Variants in TMEM116 observed in about 807,000 individuals in gnomAD.
The protein encoded by TMEM116 is transmembrane protein 116.
Under a neutral mutation model 44.3 loss-of-function variants are expected in TMEM116, and 38 were observed. The ratio of observed to expected loss-of-function variants is 0.86; its 90% CI spans 0.66 to 1.12. The LOEUF (loss-of-function observed/expected upper bound fraction) is 1.12, where lower values mean the gene tolerates loss of function less well. TMEM116 is among the 50% of genes most tolerant of loss of function. The pLI is 0.00. For synonymous variants in TMEM116, 132 were observed against 144.8 expected (o/e 0.91, Z 0.64); for missense variants, 354 against 401.7 (o/e 0.88, Z 1.01).
At chr12:111,956,933 C>T (rs971699439) in intron 4 of TMEM116, among the ~76,000 whole-genome samples, 2 of 151,850 alleles carry the variant, frequency 1.3e-5, no homozygotes, top group African/African-American at 2.4e-5. Context: ...CTGGCCGCCA[C>T]CCCGTATAGG....
chr12:111,970,579 C>T lies in TMEM116; in HGVS notation c.210+21179G>A, dbSNP rs2075274596. Reference sequence around the variant, plus strand: ...AAATAGCATTAAGGCACTTCATAATCAAATGGGTTTTTTTTTTTTTTTTTT... The same window carrying T: ...AAATAGCATTAAGGCACTTCATAATTAAATGGGTTTTTTTTTTTTTTTTTT... On this transcript the variant is annotated intron_variant, in intron 4 of 10. Transcript: ENST00000552374. Among the ~76,000 whole-genome samples the T allele has an allele frequency of 2.7e-5, 4 of 146,324 alleles. No homozygotes were observed. In the Admixed American group the frequency reaches 2.8e-4, roughly 10 times the overall value.
chr12:111,961,933 C>T (rs796532858), intron 4 of TMEM116, among the ~76,000 whole-genome samples: 21 of 152,272 alleles, frequency 1.4e-4, no homozygotes, highest in African/African-American at 4.3e-4. Context: ...ATTGTCTCAG[C>T]CCAAAATCTC....
chr12:112,006,333 A>G (rs1013008431), intron 1 of TMEM116, among the ~76,000 whole-genome samples: 1 of 152,176 alleles, frequency 6.6e-6, no homozygotes, highest in Admixed American at 6.5e-5. Context: ...AGATAAATAG[A>G]GCTGCAATAG....
At chr12:112,008,424 G>A in intron 1 of TMEM116, among the ~76,000 whole-genome samples, 1 of 151,328 alleles carries the variant, frequency 6.6e-6, no homozygotes, top group Non-Finnish European at 1.5e-5. Flanking sequence ...AAGTTGTAGT[G>A]AGCCAAGATC....
At chr12:111,934,888 GTGTT>G (rs967908540) in intron 8 of TMEM116, 1 of 152,150 alleles carries the variant, frequency 6.6e-6, no homozygotes, top group African/African-American at 2.4e-5. Context: ...AAAGTCCAAT[GTGTT>G]TTTTTGCAAA....
At chr12:111,944,657 G>A (rs2073107172) in intron 4 of TMEM116, among the ~76,000 whole-genome samples, 1 of 152,126 alleles carries the variant, frequency 6.6e-6, no homozygotes, top group South Asian at 2.1e-4. Context: ...GCTCAGGAGA[G>A]CTGCAGAGGT....
intron 4 of TMEM116, among the ~76,000 whole-genome samples, chr12:111,958,164 A>T (rs2136361590): frequency 6.6e-6 from 1 of 151,898 alleles, no homozygotes; most frequent in South Asian, 2.1e-4. Context: ...TCTGCCTAGG[A>T]AAACCAGAGA....
intron 4 of TMEM116, among the ~76,000 whole-genome samples, chr12:111,951,777 T>C (rs920680577): frequency 6.6e-6 from 1 of 151,816 alleles, no homozygotes; most frequent in African/African-American, 2.4e-5. Flanking sequence ...CAAGTTTACC[T>C]ATATAACAAA....
chr12:111,979,619 T>C (rs2075841170), intron 4 of TMEM116, among the ~76,000 whole-genome samples: 1 of 152,166 alleles, frequency 6.6e-6, no homozygotes, highest in African/African-American at 2.4e-5. Flanking sequence ...TACATAAATT[T>C]TGCCTCATTC....
At chr12:111,969,663 C>T (rs2075213220) in intron 4 of TMEM116, among the ~76,000 whole-genome samples, 1 of 152,120 alleles carries the variant, frequency 6.6e-6, no homozygotes, top group Non-Finnish European at 1.5e-5. Context: ...CTGCAAGCTC[C>T]GCCTCCCGGG....
At chr12:112,004,287 T>C (rs1424242407) in intron 2 of TMEM116, among the ~76,000 whole-genome samples, 1 of 151,540 alleles carries the variant, frequency 6.6e-6, no homozygotes, top group Non-Finnish European at 1.5e-5. Context: ...GCCCTGCACA[T>C]ATTTTTTTTT....
intron 1 of TMEM116, chr12:112,012,296 T>G (rs1349729152): frequency 6.6e-6 from 1 of 152,178 alleles, no homozygotes; most frequent in Non-Finnish European, 1.5e-5. Context: ...GGTCTTTTTT[T>G]TTCTTTTTGA....
chr12:111,957,576 T>TG (rs1410268725), intron 4 of TMEM116, among the ~76,000 whole-genome samples: 3 of 144,232 alleles, frequency 2.1e-5, no homozygotes, highest in African/African-American at 7.9e-5. Context: ...GTCTGGGAGG[T>TG]GGGGGCCAGC....
intron 4 of TMEM116, among the ~76,000 whole-genome samples, chr12:111,943,604 G>A (rs1041671876): frequency 6.6e-6 from 1 of 151,988 alleles, no homozygotes; most frequent in Non-Finnish European, 1.5e-5. Context: ...GCACAATCTC[G>A]GCTCACTGCA....
chr12:111,962,223 T>G (rs2074644624), intron 4 of TMEM116, among the ~76,000 whole-genome samples: 1 of 152,188 alleles, frequency 6.6e-6, no homozygotes, highest in African/African-American at 2.4e-5. Context: ...ATCAATATCA[T>G]GAAAATGGCC....
intron 4 of TMEM116, among the ~76,000 whole-genome samples, chr12:111,967,629 C>T (rs2075055579): frequency 6.6e-6 from 1 of 151,900 alleles, no homozygotes; most frequent in Non-Finnish European, 1.5e-5. Flanking sequence ...ATAAAATTTG[C>T]ACCTAACAAC....
At chr12:111,960,510 A>G (rs1013229715) in intron 4 of TMEM116, among the ~76,000 whole-genome samples, 2 of 149,372 alleles carry the variant, frequency 1.3e-5, no homozygotes, top group Admixed American at 6.6e-5. Flanking sequence ...AAAAAAAAAA[A>G]AAAAAAAAGA....
chr12:111,957,503 G>GC (rs1415137969), intron 4 of TMEM116, among the ~76,000 whole-genome samples: 1 of 149,182 alleles, frequency 6.7e-6, no homozygotes, highest in East Asian at 2.0e-4. Context: ...GGGGGGCAGC[G>GC]CCCCCCTGGC....
intron 3 of TMEM116, among the ~76,000 whole-genome samples, chr12:111,996,877 G>C (rs566484373): frequency 6.6e-6 from 1 of 152,096 alleles, no homozygotes; most frequent in East Asian, 1.9e-4. Context: ...TATACAACGT[G>C]GATACATCTC....
Sources: allele counts gnomAD v4.1 joint callset (sites outside exome capture counted in the v4.1 genomes callset), GRCh38; gene constraint gnomAD v4.1.1; transcripts MANE v1.5; gene names NCBI Gene and HGNC (gene_info 2026-07-23, HGNC 2026-07-21).